FAAP100: variants seen among roughly 807,000 people sequenced by gnomAD.
The protein encoded by FAAP100 is Fanconi anemia core complex-associated protein 100.
FAAP100 carries 46 observed loss-of-function variants against 65.8 expected under a neutral mutation model. That is an observed-to-expected ratio of 0.70 (90% confidence interval 0.55 to 0.89). The LOEUF is 0.89. Ranked by LOEUF, FAAP100 falls within the 40% of genes least tolerant of loss-of-function variation. The pLI, the probability that FAAP100 is intolerant of heterozygous loss-of-function variation, is 0.00. For missense variants in FAAP100, 1,165 were observed against 1,196.7 expected (o/e 0.97, Z 0.39); for synonymous variants, 663 against 555.1 (o/e 1.19, Z -2.73).
At chr17:81,549,595 G>A (rs111631824) in intron 3 of FAAP100, among the ~76,000 whole-genome samples, 1 of 152,242 alleles carries the variant, frequency 6.6e-6, no homozygotes, top group East Asian at 1.9e-4. Context: ...CCGCAGTGGA[G>A]ACAGTCTGGC....
chr17:81,541,932 G>A (rs1016832292), intron 7 of FAAP100, among the ~76,000 whole-genome samples: 4 of 152,072 alleles, frequency 2.6e-5, no homozygotes, highest in African/African-American at 9.7e-5. Context: ...TTGGGAGGCC[G>A]AGGCAGGCGG....
At chr17:81,541,837 T>G (rs1332635404) in intron 7 of FAAP100, among the ~76,000 whole-genome samples, 2 of 151,940 alleles carry the variant, frequency 1.3e-5, no homozygotes, top group Non-Finnish European at 2.9e-5. Context: ...CCCAGCCCAG[T>G]GTGGGCTGCA....
Position 81,547,045 on chromosome 17 carries a change from A to G in FAAP100, c.2037T>C (p.Phe679=), listed in dbSNP as rs1194760694. 1.3e-6 allele frequency: 2 copies of G among 1,557,744 alleles called. No homozygotes were observed. Among genetic ancestry groups the G allele is most frequent in the Non-Finnish European group, 1.7e-6 (2 of 1,151,526 alleles). ...TGCCAGGCTCCCGACAAGTTTCCAG[A>G]AAAGTGGCCACAGGGTCTCGGGTGG... ...LGPTRDPVAT[F]LETCREPGSQ... Residue 679 remains phenylalanine (F), a synonymous_variant, in exon 5 of 9, where the codon TTT becomes TTC. Transcript: ENST00000327787.
intron 2 of FAAP100, 143 bp from the exon 3 acceptor site, chr17:81,551,346 G>A: frequency 1.3e-6 from 1 of 777,832 alleles, no homozygotes; most frequent in Non-Finnish European, 2.0e-6. Context: ...CTGCCACATG[G>A]CCTCCCACCT....
chr17:81,540,957 G>C lies in FAAP100; in HGVS notation c.2515-7C>G, dbSNP rs1361322407. 6.3e-7 allele frequency: 1 copy of C among 1,575,596 alleles called. No homozygotes were observed. The highest frequency in any genetic ancestry group is 1.1e-5 in the South Asian group (1 of 87,524). The stretch of plus-strand genomic sequence containing the variant: ...GCACCTCCCGCAGCAGTGTCTGCAG[G>C]TGAAGCAGACACAGCTCAGGCCCCC... On this transcript the variant is annotated splice_region_variant and splice_polypyrimidine_tract_variant and intron_variant, in intron 8 of 8. Coordinates refer to ENST00000327787, the MANE Select transcript of FAAP100 (RefSeq NM_025161.6).
rs2033048081 is a variant in FAAP100 at position 81,540,526 on chromosome 17, G to A, written c.*293C>T. The A allele has an allele frequency of 2.4e-6, 1 of 423,632 alleles. No homozygotes were observed. The highest frequency in any genetic ancestry group is 4.2e-6 in the Non-Finnish European group (1 of 240,382). 26.2% of individuals were successfully genotyped at this position (423,632 alleles called of 1,614,324 possible). ...TGGTGGGAAGGCTGCCCAGCAGTGA[G>A]GAAGGCGAGTGCAGGGGCTGCGGCC... On this transcript the variant is annotated 3_prime_UTR_variant, in exon 9 of 9. Coordinates refer to ENST00000327787, the MANE Select transcript of FAAP100 (RefSeq NM_025161.6).
chr17:81,544,177 G>A (rs949594456), intron 6 of FAAP100, 57 bp from the exon 7 acceptor site: 1 of 1,436,432 alleles, frequency 7.0e-7, no homozygotes, highest in Non-Finnish European at 9.8e-7. Context: ...TGCCCGGGGG[G>A]CTCAGGCTAC....
chr17:81,547,764 G>A (rs2033364014), intron 4 of FAAP100, 86 bp from the exon 5 acceptor site: 4 of 1,478,950 alleles, frequency 2.7e-6, no homozygotes, highest in African/African-American at 1.4e-5. Flanking sequence ...GGTAGGCACC[G>A]AGCCTGGCTC....
rs779678564 is a variant in FAAP100, at chr17:81,547,648, C to A, written c.1434G>T (p.Gln478His). Residue 478 changes from glutamine (Q) to histidine (H), a missense_variant, in exon 5 of 9, where the codon CAG becomes CAT. Transcript: ENST00000327787. ...RVSFLKKAVD[Q>H]RNKALTSLNE... is the part of the protein sequence containing the mutation. ...TGAGGCTTGTCAGTGCCTTGTTCCG[C>A]TGGTCAACCGCCTTCTTTAGAAAAG... The A allele has an allele frequency of 1.2e-6, 2 of 1,611,292 alleles. No homozygotes were observed. The highest frequency in any genetic ancestry group is 2.2e-5 in the South Asian group (2 of 91,054).
At position 81,551,079 on chromosome 17, in the gene FAAP100, C is replaced by T. The variant is rs1461276751; in HGVS notation, c.415G>A (p.Val139Met). The T allele has an allele frequency of 6.3e-7, 1 of 1,579,960 alleles. No homozygotes were observed. The highest frequency in any genetic ancestry group is 8.6e-7 in the Non-Finnish European group (1 of 1,163,230). The change falls in exon 3 of 9, where the codon GTG (valine) becomes ATG (methionine). Residue 139 changes from valine (V) to methionine (M), a missense_variant. Val to Met is a conservative substitution (Grantham distance 21). Coordinates refer to ENST00000327787, the MANE Select transcript of FAAP100 (RefSeq NM_025161.6). ...GGGCCCTGCACCAGGGTGACCAGCA[C>T]ACTGTCCAGCAAGGTGAACGCGCAC... ...ALCAFTLLDS[V>M]LVTLVQGPAR...
chr17:81,551,595 G>C (rs1021630295), intron 2 of FAAP100: 1 of 965,030 alleles, frequency 1.0e-6, no homozygotes, highest in Non-Finnish European at 1.4e-6. Flanking sequence ...TCGGGGTCAC[G>C]GTGCCTTTGC....
chr17:81,540,291 C>G lies in FAAP100; in HGVS notation c.*528G>C. On this transcript the variant is annotated 3_prime_UTR_variant, in exon 9 of 9. Coordinates refer to ENST00000327787, the MANE Select transcript of FAAP100 (RefSeq NM_025161.6). ...GGAGCACCCTCCTACCTCGGGGTCC[C>G]AGAGTGGGCAGCCGGGCAGGTGTGA... is the stretch of plus-strand genomic sequence containing the variant. 2.5e-6 allele frequency: 1 copy of G among 398,918 alleles called. No individual in the cohort carries two copies. Among genetic ancestry groups the G allele is most frequent in the Non-Finnish European group, 4.4e-6 (1 of 226,120 alleles). 24.7% of individuals were successfully genotyped at this position (398,918 alleles called of 1,614,324 possible). A position where few individuals can be genotyped will look rare whatever the true frequency, so the allele number is the denominator to read the frequency against.
intron 6 of FAAP100, among the ~76,000 whole-genome samples, chr17:81,544,882 C>A (rs2078468964): frequency 6.6e-6 from 1 of 152,218 alleles, no homozygotes; most frequent in African/African-American, 2.4e-5. Flanking sequence ...CAAGTGCAGA[C>A]TCTGGGCCGG....
intron 4 of FAAP100, 200 bp from the exon 5 acceptor site, chr17:81,547,878 G>A (rs1443194268): frequency 2.7e-6 from 2 of 742,610 alleles, no homozygotes; most frequent in Admixed American, 2.0e-5. Flanking sequence ...TCTGGAAGCT[G>A]CCTCCAGCCA....
At position 81,550,235 on chromosome 17, in the gene FAAP100, C is replaced by T; in HGVS notation, c.1246+13G>A. On this transcript the variant is annotated intron_variant, in intron 3 of 8. Coordinates refer to ENST00000327787, the MANE Select transcript of FAAP100 (RefSeq NM_025161.6). The stretch of plus-strand genomic sequence containing the variant: ...CTGGGCTCCCATCTTTCATTTTAGA[C>T]AGCAGCTCATACCTTCATGCGTCCT... The T allele has an allele frequency of 1.9e-6, 3 of 1,572,294 alleles. No homozygotes were observed. The highest frequency in any genetic ancestry group is 2.6e-6 in the Non-Finnish European group (3 of 1,155,568).
At position 81,539,929 on chromosome 17, in the gene FAAP100, C is replaced by G; in HGVS notation, c.*890G>C. The stretch of plus-strand genomic sequence containing the variant: ...AGGGTCGTTTGTCACAGCAGAGAAG[C>G]ACCTCACGGCTCCTACCCGCACTCA... On this transcript the variant is annotated 3_prime_UTR_variant, in exon 9 of 9. Transcript: ENST00000327787. 2.5e-6 allele frequency: 1 copy of G among 398,670 alleles called. No individual in the cohort carries two copies. Among genetic ancestry groups the G allele is most frequent in the East Asian group, 3.6e-5 (1 of 28,082 alleles). The allele number at this position is 398,670 out of a possible 1,614,324, so 24.7% of individuals were successfully genotyped here.
rs2033028441 is a variant in FAAP100 at position 81,540,175 on chromosome 17, A to G, written c.*644T>C. On this transcript the variant is annotated 3_prime_UTR_variant, in exon 9 of 9. Coordinates refer to ENST00000327787, the MANE Select transcript of FAAP100 (RefSeq NM_025161.6). ...CACCTAGTTGTTGAGCATTCCGGCC[A>G]CAGGCCACCCGCTGGCCCTTCCTTG... 2 of 398,886 alleles carry G rather than the reference A, an allele frequency of 5.0e-6. No individual in the cohort carries two copies. Among genetic ancestry groups the G allele is most frequent in the South Asian group, 1.3e-4 (1 of 7,870 alleles). The allele number at this position is 398,886 out of a possible 1,614,324, so 24.7% of individuals were successfully genotyped here.
chr17:81,540,980 C>T (rs1033598244), intron 8 of FAAP100, 30 bp from the exon 9 acceptor site: 3 of 1,541,934 alleles, frequency 1.9e-6, no homozygotes, highest in Admixed American at 1.9e-5. Context: ...AGCTCAGGCC[C>T]CCCACCTGGC....
chr17:81,551,846 G>A (rs981702759), intron 2 of FAAP100, 82 bp downstream of exon 2: 26 of 1,409,360 alleles, frequency 1.8e-5, no homozygotes, highest in Non-Finnish European at 2.1e-5. Context: ...GTCCCCAAGC[G>A]CGATGAGGTG....
Sources: allele counts gnomAD v4.1 joint callset (sites outside exome capture counted in the v4.1 genomes callset), GRCh38; gene constraint gnomAD v4.1.1; transcripts MANE v1.5; gene names NCBI Gene and HGNC (gene_info 2026-07-23, HGNC 2026-07-21).